Variants in LRCH4 observed in about 807,000 individuals in gnomAD.
LRCH4 encodes the protein leucine rich repeats and calponin homology domain containing 4.
LRCH4 carries 56 observed loss-of-function variants against 81.2 expected under a neutral mutation model. The observed-to-expected ratio is 0.69, with a 90% confidence interval of 0.56 to 0.86. LRCH4 has a LOEUF of 0.86. Ranked by LOEUF, LRCH4 falls within the 40% of genes least tolerant of loss-of-function variation. The pLI is 0.00. For synonymous variants in LRCH4, 442 were observed against 409.7 expected, an observed-to-expected ratio of 1.08 and a Z score of -0.95; for missense variants, 895 against 922.8, an observed-to-expected ratio of 0.97 and a Z score of 0.39.
chr7:100,574,947 C>T lies in LRCH4; in HGVS notation c.*160G>A. 1.5e-6 allele frequency: 1 copy of T among 686,412 alleles called. No homozygotes were observed. Among genetic ancestry groups the T allele is most frequent in the South Asian group, 2.0e-5 (1 of 48,964 alleles). 42.5% of individuals were successfully genotyped at this position (686,412 alleles called of 1,614,324 possible). On this transcript the variant is annotated 3_prime_UTR_variant, in exon 18 of 18. Coordinates refer to ENST00000310300, the MANE Select transcript of LRCH4 (RefSeq NM_002319.5). Reference sequence around the variant, plus strand: ...AGGCCAGAGGCTGGGGGCCCAGGGTCTGGGGGCACCAGAGTGGGGCCTCTG... The same window carrying T: ...AGGCCAGAGGCTGGGGGCCCAGGGTTTGGGGGCACCAGAGTGGGGCCTCTG...
rs1260506225 is a variant in LRCH4 at position 100,585,994 on chromosome 7, C to T, written c.107G>A (p.Arg36Gln). 1 of 1,611,338 alleles carries T rather than the reference C, an allele frequency of 6.2e-7. No individual in the cohort carries two copies. The highest frequency in any genetic ancestry group is 8.5e-7 in the Non-Finnish European group (1 of 1,178,646). The change falls in exon 1 of 18, where the codon CGG (arginine) becomes CAG (glutamine). Residue 36 changes from arginine to glutamine, a missense_variant. Physicochemically the swap from Arg to Gln is conservative, Grantham distance 43 (BLOSUM62 1). Around this residue, in one of 3 missense-constraint regions of LRCH4, gnomAD observed 360 missense variants for 397.0 expected, o/e 0.91. Coordinates refer to ENST00000310300, the MANE Select transcript of LRCH4 (RefSeq NM_002319.5). Reference protein sequence around the residue: ...PGLPGRRSAERALEEAVATGT... With the variant: ...PGLPGRRSAEQALEEAVATGT... ...GGTGGCCACGGCCTCCTCTAGGGCCCGCTCTGCACTGCGTCTCCCCGGCAG... is the reference window on the plus strand; with the variant it reads ...GGTGGCCACGGCCTCCTCTAGGGCCTGCTCTGCACTGCGTCTCCCCGGCAG...
intron 1 of LRCH4, chr7:100,584,688 A>C (rs1801668571): frequency 4.4e-6 from 2 of 456,476 alleles, no homozygotes; most frequent in African/African-American, 2.0e-5. Context: ...CCCCATCTCA[A>C]GTGTTGCAGA....
Position 100,575,192 on chromosome 7 carries a change from G to A in LRCH4, c.1967C>T (p.Pro656Leu), listed in dbSNP as rs766041503. ...GACGACGAAGCCGCCCAGACCAGAG[G>A]GGGGCCAGAGGGGCGGTAGGGCCTT... ...GGKALPPLWP[P>L]SGLGGFVVFY... Residue 656 changes from proline to leucine, a missense_variant, in exon 18 of 18, where the codon CCC (proline) becomes CTC (leucine). This residue lies in a region of LRCH4 where 529 missense variants were observed against 504.9 expected (regional missense o/e 1.05). Transcript: ENST00000310300. The surrounding 1 kb of genome is among the most constrained non-coding windows in gnomAD (Gnocchi z 5.3). 2 of 1,612,950 alleles carry A rather than the reference G, an allele frequency of 1.2e-6. No individual in the cohort carries two copies. Among genetic ancestry groups the A allele is most frequent in the South Asian group, 1.1e-5 (1 of 90,912 alleles).
chr7:100,579,784 G>C (rs925818254), intron 4 of LRCH4: 4 of 152,130 alleles, frequency 2.6e-5, no homozygotes, highest in African/African-American at 9.7e-5. Flanking sequence ...TGCTCAGCTG[G>C]GAGAACTCCA....
Position 100,577,304 on chromosome 7 carries a change from T to TCTG in LRCH4, c.1261_1263dup (p.Gln421dup), listed in dbSNP as rs763157567. The TCTG allele has an allele frequency of 4.7e-5, 75 of 1,597,728 alleles. No individual in the cohort carries two copies. Among genetic ancestry groups the TCTG allele is most frequent in the Middle Eastern group, 1.7e-4 (1 of 5,972 alleles). On this transcript the variant is annotated inframe_insertion, in exon 11 of 18. Coordinates refer to ENST00000310300, the MANE Select transcript of LRCH4 (RefSeq NM_002319.5). The surrounding 1 kb of genome is among the most constrained non-coding windows in gnomAD (Gnocchi z 6.7). ...TTCCTCGGGGCCCCCCACGCCCCGC[T>TCTG]CTGCTGCTGCTGCCGCCGTTCCCGC...
chr7:100,581,695 C>G, intron 4 of LRCH4, 82 bp downstream of exon 4: 1 of 1,145,738 alleles, frequency 8.7e-7, no homozygotes, highest in Non-Finnish European at 1.3e-6. Flanking sequence ...GCTACCCGGT[C>G]TGCAGTGTTT....
chr7:100,574,510 T>C lies in LRCH4; in HGVS notation c.*597A>G, dbSNP rs1315194307. ...GCTGTCAGCGATAACAGAAGGGAGG[T>C]GACACGGGGGGTTGGCGGACGCTCC... On this transcript the variant is annotated 3_prime_UTR_variant, in exon 18 of 18. Transcript: ENST00000310300. The C allele has an allele frequency of 6.6e-6, 1 of 150,392 alleles. No individual in the cohort carries two copies. Among genetic ancestry groups the C allele is most frequent in the African/African-American group, 2.5e-5 (1 of 40,572 alleles). 9.3% of individuals were successfully genotyped at this position (150,392 alleles called of 1,614,324 possible). A position where few individuals can be genotyped will look rare whatever the true frequency, so the allele number is the denominator to read the frequency against.
Position 100,578,725 on chromosome 7 carries a change from T to C in LRCH4, c.660A>G (p.Pro220=). ...GGTGCCTCAGGCGGCAGAAGGAGAC[T>C]GGGATTCGGGAGACGCGGTTACAGG... ...DFSCNRVSRI[P]VSFCRLRHLQ... is the part of the protein sequence containing the mutation. Residue 220 remains proline, a synonymous_variant, in exon 5 of 18, where the codon CCA becomes CCG. Coordinates refer to ENST00000310300, the MANE Select transcript of LRCH4 (RefSeq NM_002319.5). The surrounding 1 kb of genome is among the most constrained non-coding windows in gnomAD (Gnocchi z 5.7). The C allele has an allele frequency of 6.2e-7, 1 of 1,614,118 alleles. No homozygotes were observed. The highest frequency in any genetic ancestry group is 8.5e-7 in the Non-Finnish European group (1 of 1,180,016).
At chr7:100,576,848 C>T (rs1162184221) in intron 13 of LRCH4, 54 bp downstream of exon 13, 2 of 1,538,402 alleles carry the variant, frequency 1.3e-6, no homozygotes, top group Admixed American at 3.9e-5. Context: ...CCCTCTCTCC[C>T]AACCAGCCCT....
Position 100,577,077 on chromosome 7 carries a change from G to A in LRCH4, c.1364+9C>T, listed in dbSNP as rs148780206. The A allele has an allele frequency of 9.3e-4, 1,507 of 1,614,136 alleles. 13 individuals carry two copies. The African/African-American group carries it at 0.018, about 19-fold the overall frequency. Reference sequence around the variant, plus strand: ...AGGAGTGGGGAGGGGATGCTGGCAGGAAACCTACTTGTGCATGGCTTGAGT... The same window carrying A: ...AGGAGTGGGGAGGGGATGCTGGCAGAAAACCTACTTGTGCATGGCTTGAGT... On this transcript the variant is annotated intron_variant, in intron 12 of 17. Transcript: ENST00000310300. This position sits in a 1 kb window ranked among gnomAD's most constrained non-coding sequence, Gnocchi z 6.7.
At position 100,576,253 on chromosome 7, in the gene LRCH4, C is replaced by A; in HGVS notation, c.1623G>T (p.Met541Ile). The part of the protein sequence containing the change: ...YPQVPDEKDL[M>I]TQLRQVLESR... ...CTCTGCTCACCTGGCGCAGCTGAGT[C>A]ATTAAGTCCTTCTCATCTGGAACCT... Residue 541 changes from methionine (M) to isoleucine (I), a missense_variant, in exon 15 of 18, where the codon ATG (methionine) becomes ATT (isoleucine). Transcript: ENST00000310300. The A allele has an allele frequency of 1.2e-6, 2 of 1,614,084 alleles. No homozygotes were observed. Among genetic ancestry groups the A allele is most frequent in the South Asian group, 2.2e-5 (2 of 91,034 alleles).
At position 100,575,842 on chromosome 7, in the gene LRCH4, C is replaced by A; in HGVS notation, c.1776+29G>T. 6.2e-7 allele frequency: 1 copy of A among 1,610,438 alleles called. No homozygotes were observed. The highest frequency in any genetic ancestry group is 1.1e-5 in the South Asian group (1 of 90,812). The stretch of plus-strand genomic sequence containing the variant: ...AGAGGCCACAGGCGCCCCGGCCCAT[C>A]CCCCACCTCTTCCCCAGCCCCAACT... On this transcript the variant is annotated intron_variant, in intron 16 of 17. Coordinates refer to ENST00000310300, the MANE Select transcript of LRCH4 (RefSeq NM_002319.5). The surrounding 1 kb of genome is among the most constrained non-coding windows in gnomAD (Gnocchi z 5.3).
chr7:100,584,263 G>A, intron 1 of LRCH4: 2 of 456,470 alleles, frequency 4.4e-6, no homozygotes, highest in South Asian at 3.1e-5. Flanking sequence ...AGAGGGGACA[G>A]AGGAGAGAAT....
rs1231480236 is a variant in LRCH4 at position 100,582,715 on chromosome 7, T to C, written c.221-256A>G. Among the ~76,000 whole-genome samples the C allele has an allele frequency of 6.6e-6, 1 of 152,178 alleles. No homozygotes were observed. The highest frequency in any genetic ancestry group is 1.5e-5 in the Non-Finnish European group (1 of 68,030). ...AGCCTCAGACTTGGGGGTTGGGGAA[T>C]GTCAATGGAGGGCTATCCTGGAGAG... On this transcript the variant is annotated intron_variant, in intron 1 of 17. Coordinates refer to ENST00000310300, the MANE Select transcript of LRCH4 (RefSeq NM_002319.5). The surrounding 1 kb of genome is among the most constrained non-coding windows in gnomAD (Gnocchi z 5.0).
intron 15 of LRCH4, 33 bp from the exon 16 acceptor site, chr7:100,576,041 G>T: frequency 6.3e-7 from 1 of 1,580,992 alleles, no homozygotes; most frequent in Admixed American, 1.7e-5. Context: ...GCAGGGGTCA[G>T]GGAAGGAGAG....
chr7:100,576,645 T>C (rs1801368539), intron 14 of LRCH4, 49 bp downstream of exon 14: 2 of 1,477,340 alleles, frequency 1.4e-6, no homozygotes, highest in African/African-American at 1.4e-5. Context: ...GATGTAGCCG[T>C]TGGTGCTGGC....
At position 100,583,518 on chromosome 7, in the gene LRCH4, G is replaced by A. The variant is rs894555589; in HGVS notation, c.221-1059C>T. Among the ~76,000 whole-genome samples the A allele has an allele frequency of 2.6e-5, 4 of 152,168 alleles. No individual in the cohort carries two copies. The highest frequency in any genetic ancestry group is 2.0e-4 in the Admixed American group (3 of 15,290). On this transcript the variant is annotated intron_variant, in intron 1 of 17. Coordinates refer to ENST00000310300, the MANE Select transcript of LRCH4 (RefSeq NM_002319.5). This position sits in a 1 kb window ranked among gnomAD's most constrained non-coding sequence, Gnocchi z 4.3. ...GAGCTTCTCCAAGGGCCCTTCTCAG[G>A]GAAGGGCAGGCCAGCAAAAGCAAGC...
rs377462433 is a variant in LRCH4, at chr7:100,577,450, G to C, written c.1178+47C>G. ...CGGGGTCAGGGAAGGAGGCGGTTGG[G>C]GGGTGGGAGGATCGGGCAGTGGCGT... On this transcript the variant is annotated intron_variant, in intron 10 of 17. Coordinates refer to ENST00000310300, the MANE Select transcript of LRCH4 (RefSeq NM_002319.5). This position sits in a 1 kb window ranked among gnomAD's most constrained non-coding sequence, Gnocchi z 6.7. The C allele has an allele frequency of 1.2e-6, 2 of 1,602,744 alleles. No homozygotes were observed. The highest frequency in any genetic ancestry group is 1.7e-6 in the Non-Finnish European group (2 of 1,179,806).
In LRCH4 at chr7:100,575,456, G is replaced by A. The variant is rs1801321486; in HGVS notation, c.1855-152C>T. On this transcript the variant is annotated intron_variant, in intron 17 of 17. Coordinates refer to ENST00000310300, the MANE Select transcript of LRCH4 (RefSeq NM_002319.5). The surrounding 1 kb of genome is among the most constrained non-coding windows in gnomAD (Gnocchi z 5.3). Reference sequence around the variant, plus strand: ...GCAGGGGGAGTGCAGTGCAGGAGGAGTGCAGGGCAGGGCATGTGCAGGACA... The same window carrying A: ...GCAGGGGGAGTGCAGTGCAGGAGGAATGCAGGGCAGGGCATGTGCAGGACA... 1.2e-6 allele frequency: 1 copy of A among 852,142 alleles called. No individual in the cohort carries two copies. The highest frequency in any genetic ancestry group is 2.0e-5 in the Admixed American group (1 of 50,034). The allele number at this position is 852,142 out of a possible 1,614,324, so 52.8% of individuals were successfully genotyped here.
Sources: gnomAD v4.1 joint callset for allele counts (sites outside exome capture counted in the v4.1 genomes callset) on GRCh38, gnomAD v4.1.1 for gene constraint, gnomAD v4.1.1 regional missense constraint, Gnocchi (gnomAD v3.1) non-coding constraint, MANE v1.5 for transcripts, NCBI Gene and HGNC (gene_info 2026-07-23, HGNC 2026-07-21) for gene names.